The following SLC12A1 variants were observed in gnomAD, a reference collection of about 807,000 sequenced individuals.
SLC12A1 encodes the protein Na-K-2Cl cotransporter.
A neutral mutation model predicts 130.4 loss-of-function variants in SLC12A1; 89 were observed. That is an observed-to-expected ratio of 0.68 (90% CI 0.58 to 0.81). SLC12A1 has a LOEUF of 0.81. Among genes scored for constraint, SLC12A1 ranks in the 40% least tolerant of loss-of-function variants. SLC12A1 has a pLI of 0.00. For missense variants in SLC12A1, 1,310 were observed against 1,336.4 expected (o/e 0.98, Z 0.31); for synonymous variants, 499 against 460.0 (o/e 1.08, Z -1.09).
intron 15 of SLC12A1, among the ~76,000 whole-genome samples, chr15:48,254,859 G>T (rs2041688252): frequency 6.6e-6 from 1 of 152,032 alleles, no homozygotes; most frequent in South Asian, 2.1e-4. Flanking sequence ...GGGATGTGGA[G>T]CTTGCAGTAA....
At position 48,227,023 on chromosome 15, in the gene SLC12A1, T is replaced by A. The variant is rs946579960; in HGVS notation, c.724+452T>A. On this transcript the variant is annotated intron_variant, in intron 5 of 26. Transcript: ENST00000380993. The stretch of plus-strand genomic sequence containing the variant: ...AGATTCAGACTGCTGCCTCCTGAAG[T>A]ACTGGTGACTTCTCTCAGTACTGGA... 5 of 1,122,958 alleles carry A rather than the reference T, an allele frequency of 4.5e-6. No homozygotes were observed. The African/African-American group carries it at 7.7e-5, about 17-fold the overall frequency. 69.6% of individuals were successfully genotyped at this position (1,122,958 alleles called of 1,614,324 possible). A position where few individuals can be genotyped will look rare whatever the true frequency, so the allele number is the denominator to read the frequency against.
intron 9 of SLC12A1, among the ~76,000 whole-genome samples, chr15:48,237,952 G>C (rs751286833): frequency 1.2e-4 from 18 of 152,086 alleles, no homozygotes; most frequent in Non-Finnish European, 2.5e-4. Flanking sequence ...AGATGGCATG[G>C]GCCTGATTTA....
At chr15:48,259,103 T>C in intron 16 of SLC12A1, 97 bp from the exon 17 acceptor site, 1 of 759,810 alleles carries the variant, frequency 1.3e-6, no homozygotes, top group South Asian at 1.7e-5. Flanking sequence ...GGTTGCCCCA[T>C]TTTTCCAAGC....
chr15:48,300,942 C>T (rs1249859188), intron 25 of SLC12A1, among the ~76,000 whole-genome samples: 1 of 152,220 alleles, frequency 6.6e-6, no homozygotes, highest in Non-Finnish European at 1.5e-5. Flanking sequence ...GGCCATTCCA[C>T]TGTGCATAGG....
chr15:48,213,512 T>C (rs942083310), intron 2 of SLC12A1, among the ~76,000 whole-genome samples: 1 of 150,548 alleles, frequency 6.6e-6, no homozygotes, highest in Admixed American at 6.6e-5. Context: ...TTTTTTTTTT[T>C]TTTTTTTTTG....
chr15:48,256,794 C>T (rs2041711915), intron 16 of SLC12A1, among the ~76,000 whole-genome samples: 1 of 150,034 alleles, frequency 6.7e-6, no homozygotes. Flanking sequence ...GGTGGGGACA[C>T]AGCCCAAACC....
chr15:48,268,931 T>C lies in SLC12A1; in HGVS notation c.2296-727T>C, dbSNP rs559487275. 2.0e-5 allele frequency among the ~76,000 whole-genome samples: 3 copies of C among 152,258 alleles called. No individual in the cohort carries two copies. The South Asian group carries it at 6.2e-4, about 32-fold the overall frequency. ...CAAGTATGAAAAAGAATTATTAGAATCCAGAAGAAATGGTAGAAAATTTGA... is the reference window on the plus strand; with the variant it reads ...CAAGTATGAAAAAGAATTATTAGAACCCAGAAGAAATGGTAGAAAATTTGA... On this transcript the variant is annotated intron_variant, in intron 18 of 26. Transcript: ENST00000380993.
Position 48,207,506 on chromosome 15 carries a change from C to T in SLC12A1, c.-186-28C>T, listed in dbSNP as rs16960656. On this transcript the variant is annotated intron_variant, in intron 1 of 26. Coordinates refer to ENST00000380993, the MANE Select transcript of SLC12A1 (RefSeq NM_000338.3). ...CTAAATATATTTGTATTACTTGGAACAAGTTTAATTTTCTTTTTCAATGAC... is the reference window on the plus strand; with the variant it reads ...CTAAATATATTTGTATTACTTGGAATAAGTTTAATTTTCTTTTTCAATGAC... 0.057 allele frequency: 22,712 copies of T among 395,452 alleles called. 3,140 individuals carry two copies. Among genetic ancestry groups the T allele is most frequent in the East Asian group, 0.4 (10,125 of 25,048 alleles). The allele number at this position is 395,452 out of a possible 1,614,324, so 24.5% of individuals were successfully genotyped here.
At chr15:48,211,103 G>A (rs936506900) in intron 2 of SLC12A1, among the ~76,000 whole-genome samples, 2 of 152,152 alleles carry the variant, frequency 1.3e-5, no homozygotes, top group African/African-American at 4.8e-5. Flanking sequence ...ATAGTAATAA[G>A]CTACTCTTTT....
intron 9 of SLC12A1, among the ~76,000 whole-genome samples, chr15:48,240,206 G>T (rs955716707): frequency 1.3e-5 from 2 of 150,358 alleles, no homozygotes; most frequent in African/African-American, 4.9e-5. Flanking sequence ...CAGATCTCAA[G>T]AAATTCTTCA....
At chr15:48,272,348 T>C (rs1210161944) in intron 19 of SLC12A1, among the ~76,000 whole-genome samples, 1 of 152,266 alleles carries the variant, frequency 6.6e-6, no homozygotes, top group Non-Finnish European at 1.5e-5. Flanking sequence ...TATAAGACTA[T>C]AGTATTTTAC....
intron 20 of SLC12A1, among the ~76,000 whole-genome samples, chr15:48,283,690 CAGAT>C (rs534897984): frequency 1.4e-4 from 22 of 152,258 alleles, no homozygotes; most frequent in Non-Finnish European, 3.1e-4. Flanking sequence ...CTTCGCTTCA[CAGAT>C]AGATAACGCA....
In SLC12A1 at chr15:48,269,687, C is replaced by T; in HGVS notation, c.2325C>T (p.Asn775=). ...QASGLGRMKP[N]TLVIGYKKNW... ...CAGGCTTAGGAAGAATGAAACCAAA[C>T]ACTCTGGTGATTGGATATAAGAAAA... The change falls in exon 19 of 27, where the codon AAC becomes AAT. Residue 775 remains asparagine, a synonymous_variant. Transcript: ENST00000380993. The T allele has an allele frequency of 3.1e-6, 5 of 1,611,538 alleles. No homozygotes were observed. The highest frequency in any genetic ancestry group is 4.2e-6 in the Non-Finnish European group (5 of 1,178,130).
intron 2 of SLC12A1, 121 bp downstream of exon 2, chr15:48,208,260 C>A: frequency 3.1e-6 from 3 of 956,756 alleles, no homozygotes; most frequent in Non-Finnish European, 4.5e-6. Context: ...ATTCCAAACA[C>A]TATCCATCTT....
intron 4 of SLC12A1, chr15:48,221,389 G>A (rs947167886): frequency 1.4e-6 from 1 of 701,222 alleles, no homozygotes; most frequent in African/African-American, 1.7e-5. Flanking sequence ...AAAATAACTT[G>A]TGAGAAAACT....
Position 48,229,282 on chromosome 15 carries a change from C to T in SLC12A1, c.818C>T (p.Ala273Val). 6.2e-7 allele frequency: 1 copy of T among 1,605,326 alleles called. No homozygotes were observed. The highest frequency in any genetic ancestry group is 2.2e-5 in the East Asian group (1 of 44,728). ...GCTTTTGCTAATGCAGTGGCTGTTG[C>T]TATGTATGTGGTGGGATTTGCTGAG... ...IFAFANAVAVAMYVVGFAETV... is the reference protein window; with the variant it reads ...IFAFANAVAVVMYVVGFAETV... Residue 273 changes from alanine (A) to valine (V), a missense_variant, in exon 6 of 27, where the codon GCT (alanine) becomes GTT (valine). Ala to Val is a moderately conservative substitution (Grantham distance 64). Coordinates refer to ENST00000380993, the MANE Select transcript of SLC12A1 (RefSeq NM_000338.3).
chr15:48,213,302 A>T (rs1330032340), intron 2 of SLC12A1, among the ~76,000 whole-genome samples: 1 of 152,200 alleles, frequency 6.6e-6, no homozygotes, highest in Non-Finnish European at 1.5e-5. Flanking sequence ...ACACTCTGTC[A>T]TGATGGGCTG....
At chr15:48,231,735 G>A (rs540095813) in intron 7 of SLC12A1, among the ~76,000 whole-genome samples, 15 of 152,290 alleles carry the variant, frequency 9.8e-5, no homozygotes, top group African/African-American at 3.4e-4. Context: ...TTATTTAAAT[G>A]GGCCAGGCAC....
rs1293460975 is a variant in SLC12A1, at chr15:48,256,826, C to CG, written c.2042+916_2042+917insG. On this transcript the variant is annotated intron_variant, in intron 16 of 26. Coordinates refer to ENST00000380993, the MANE Select transcript of SLC12A1 (RefSeq NM_000338.3). ...AACCATATCATTCCATCCCTGGCCC[C>CG]CCCCCCCAAATTTCTTGTCCTCACA... Among the ~76,000 whole-genome samples, 65 of 142,862 alleles carry CG rather than the reference C, an allele frequency of 4.5e-4. 1 individual carries two copies. The East Asian group carries it at 0.013, about 29-fold the overall frequency. The allele number at this position is 142,862 out of a possible 152,430, so 93.7% of individuals were successfully genotyped here. A position where few individuals can be genotyped will look rare whatever the true frequency, so the allele number is the denominator to read the frequency against.
Sources: gnomAD v4.1 joint callset for allele counts (sites outside exome capture counted in the v4.1 genomes callset) on GRCh38, gnomAD v4.1.1 for gene constraint, MANE v1.5 for transcripts, NCBI Gene and HGNC (gene_info 2026-07-23, HGNC 2026-07-21) for gene names.